The following AGMO variants were observed in gnomAD, a reference collection of about 807,000 sequenced individuals.
The protein encoded by AGMO is alkylglycerol monooxygenase.
In AGMO, 75 loss-of-function variants were observed where a neutral mutation model predicts 60.2. That is an observed-to-expected ratio of 1.25 (90% CI 1.03 to 1.51). The LOEUF (loss-of-function observed/expected upper bound fraction) is 1.51. Ranked by LOEUF, AGMO falls within the 40% of genes most tolerant of loss-of-function variation. The probability of loss-of-function intolerance (pLI) is 0.00; values close to 1 mark genes in which losing one functional copy is unlikely to be tolerated. For synonymous variants in AGMO, 261 were observed against 177.1 expected (o/e 1.47, Z -3.76); for missense variants, 763 against 525.5 (o/e 1.45, Z -4.42).
chr7:15,227,016 G>T lies in AGMO; in HGVS notation c.1264-25657C>A, dbSNP rs1174797456. 8.5e-5 allele frequency among the ~76,000 whole-genome samples: 13 copies of T among 152,094 alleles called. No homozygotes were observed. The East Asian group carries it at 2.5e-3, about 29-fold the overall frequency. ...TGCGTTATTTCCTGAGTAATTACTT[G>T]AAAAATCCAGACAAACGCAAAAGTC... On this transcript the variant is annotated intron_variant, in intron 12 of 12. Coordinates refer to ENST00000342526, the MANE Select transcript of AGMO (RefSeq NM_001004320.2).
chr7:15,201,179 G>T lies in AGMO; in HGVS notation c.*106C>A, dbSNP rs1050505759. 1.8e-5 allele frequency: 11 copies of T among 612,984 alleles called. No individual in the cohort carries two copies. The highest frequency in any genetic ancestry group is 2.9e-5 in the Non-Finnish European group (11 of 382,558). 38.0% of individuals were successfully genotyped at this position (612,984 alleles called of 1,614,324 possible). A position where few individuals can be genotyped will look rare whatever the true frequency, so the allele number is the denominator to read the frequency against. ...ATAAGTAATTTTACTTTTCATTGAA[G>T]AAATAGTTCATATAAGCATTACATA... On this transcript the variant is annotated 3_prime_UTR_variant, in exon 13 of 13. Transcript: ENST00000342526.
intron 12 of AGMO, chr7:15,358,512 G>A (rs983773266): frequency 4.4e-5 from 20 of 458,160 alleles, no homozygotes; most frequent in African/African-American, 3.8e-4. Context: ...TGTGAATTAG[G>A]AGGGTAAGAA....
At chr7:15,442,283 CTTAG>C (rs1482996059) in intron 3 of AGMO, among the ~76,000 whole-genome samples, 1 of 152,092 alleles carries the variant, frequency 6.6e-6, no homozygotes, top group Non-Finnish European at 1.5e-5. Flanking sequence ...ATTTTGATGA[CTTAG>C]TTTGTTCTTT....
the AGMO span, among the ~76,000 whole-genome samples, chr7:15,129,950 C>A: frequency 2.6e-5 from 4 of 151,952 alleles, no homozygotes; most frequent in African/African-American, 9.7e-5. Flanking sequence ...CTCGAGTAAT[C>A]CCAAGGGTTT....
intron 12 of AGMO, among the ~76,000 whole-genome samples, chr7:15,210,144 C>T (rs921523561): frequency 6.6e-6 from 1 of 152,106 alleles, no homozygotes; most frequent in Non-Finnish European, 1.5e-5. Flanking sequence ...CTCCACATTT[C>T]AGGGACAATA....
At chr7:15,518,424 T>C (rs1465517607) in intron 3 of AGMO, among the ~76,000 whole-genome samples, 1 of 152,126 alleles carries the variant, frequency 6.6e-6, no homozygotes, top group Non-Finnish European at 1.5e-5. Flanking sequence ...AGGAGAGCTC[T>C]GTCTGGCATC....
At chr7:15,341,709 G>A (rs541315541) in intron 12 of AGMO, among the ~76,000 whole-genome samples, 3 of 152,218 alleles carry the variant, frequency 2.0e-5, no homozygotes, top group Admixed American at 6.5e-5. Context: ...ATACCTGAGA[G>A]AGTGGGTAAT....
At chr7:15,484,105 A>G (rs1399116441) in intron 3 of AGMO, among the ~76,000 whole-genome samples, 3 of 152,324 alleles carry the variant, frequency 2.0e-5, no homozygotes, top group East Asian at 3.9e-4. Context: ...AGATATCATC[A>G]AAGAGCCTTC....
intron 12 of AGMO, among the ~76,000 whole-genome samples, chr7:15,299,827 A>G: frequency 2.3e-5 from 1 of 43,748 alleles, no homozygotes; most frequent in African/African-American, 1.2e-4. Flanking sequence ...GACTCTGTCT[A>G]CATACACACA....
chr7:15,560,048 A>G, intron 2 of AGMO, 93 bp downstream of exon 2: 2 of 1,232,794 alleles, frequency 1.6e-6, no homozygotes, highest in Middle Eastern at 4.1e-4. Context: ...ATTTGTGTAA[A>G]TAAACTAATT....
At chr7:15,415,324 C>T (rs1287268625) in intron 5 of AGMO, among the ~76,000 whole-genome samples, 1 of 152,010 alleles carries the variant, frequency 6.6e-6, no homozygotes, top group Non-Finnish European at 1.5e-5. Flanking sequence ...GCAGGCAGAT[C>T]ACAAGGTCAA....
chr7:15,550,591 C>T (rs1784924444), intron 2 of AGMO, among the ~76,000 whole-genome samples: 1 of 151,704 alleles, frequency 6.6e-6, no homozygotes, highest in Non-Finnish European at 1.5e-5. Context: ...TTCCTTGACA[C>T]ATACACTCTC....
intron 3 of AGMO, among the ~76,000 whole-genome samples, chr7:15,438,615 T>G (rs1460889343): frequency 6.6e-6 from 1 of 152,188 alleles, no homozygotes; most frequent in East Asian, 1.9e-4. Flanking sequence ...AGAACTCGTG[T>G]GCCTTCTTCA....
chr7:15,341,674 C>G (rs1778814520), intron 12 of AGMO, among the ~76,000 whole-genome samples: 1 of 152,068 alleles, frequency 6.6e-6, no homozygotes, highest in African/African-American at 2.4e-5. Context: ...CTATATTAGT[C>G]CATTATTATG....
In AGMO at chr7:15,243,967, T is replaced by G. The variant is rs114022974; in HGVS notation, c.1264-42608A>C. 5.5e-3 allele frequency among the ~76,000 whole-genome samples: 837 copies of G among 152,234 alleles called. 7 individuals carry two copies. The highest frequency in any genetic ancestry group is 0.019 in the African/African-American group (797 of 41,526). ...GATCTTCCCCTGTATTTCCATACTT[T>G]AGGTCATAAATCAAACAACCTGTCA... is the stretch of plus-strand genomic sequence containing the variant. On this transcript the variant is annotated intron_variant, in intron 12 of 12. Coordinates refer to ENST00000342526, the MANE Select transcript of AGMO (RefSeq NM_001004320.2).
intron 12 of AGMO, among the ~76,000 whole-genome samples, chr7:15,327,153 G>A (rs775773404): frequency 2.6e-5 from 4 of 152,130 alleles, no homozygotes; most frequent in Non-Finnish European, 5.9e-5. Flanking sequence ...CCCAGAACAG[G>A]CATCATAACC....
At chr7:15,338,535 C>A (rs895921711) in intron 12 of AGMO, among the ~76,000 whole-genome samples, 1 of 152,138 alleles carries the variant, frequency 6.6e-6, no homozygotes, top group Non-Finnish European at 1.5e-5. Flanking sequence ...TACAAATTTC[C>A]TCTTTCCCCA....
At chr7:15,379,507 C>G (rs894891298) in intron 10 of AGMO, among the ~76,000 whole-genome samples, 1 of 151,924 alleles carries the variant, frequency 6.6e-6, no homozygotes, top group Non-Finnish European at 1.5e-5. Flanking sequence ...ACTAGAAAAT[C>G]TAGACGAATT....
At chr7:15,173,846 T>C in the AGMO span, among the ~76,000 whole-genome samples, 1 of 151,660 alleles carries the variant, frequency 6.6e-6, no homozygotes. Flanking sequence ...ATTGTTTCTC[T>C]TATGTTTAGT....
Sources: allele counts gnomAD v4.1 joint callset (sites outside exome capture counted in the v4.1 genomes callset), GRCh38; gene constraint gnomAD v4.1.1; transcripts MANE v1.5; gene names NCBI Gene and HGNC (gene_info 2026-07-23, HGNC 2026-07-21).